Variants in CELF1 observed in about 807,000 individuals in gnomAD.
The protein encoded by CELF1 is CUGBP Elav-like family member 1, also known as 50 kDa nuclear polyadenylated RNA-binding protein.
CELF1 carries 10 observed loss-of-function variants against 61.8 expected under a neutral mutation model. The observed-to-expected ratio is 0.16, with a 90% CI of 0.10 to 0.27. The LOEUF (loss-of-function observed/expected upper bound fraction) is 0.27, where lower values mean the gene tolerates loss of function less well. Among genes scored for constraint, CELF1 ranks in the 10% least tolerant of loss-of-function variants. The pLI is 1.00. For missense variants in CELF1, 380 were observed against 639.1 expected (o/e 0.59, Z 4.37); for synonymous variants, 236 against 225.1 (o/e 1.05, Z -0.43).
At chr11:47,476,596 T>A (rs2080273462) in intron 12 of CELF1, among the ~76,000 whole-genome samples, 2 of 152,112 alleles carry the variant, frequency 1.3e-5, no homozygotes, top group African/African-American at 4.8e-5. Flanking sequence ...CAGCTAATTT[T>A]TTTGTATTTT....
At chr11:47,558,117 A>T (rs1179004094), upstream of CELF1, among the ~76,000 whole-genome samples, 1 of 152,066 alleles carries the variant, frequency 6.6e-6, no homozygotes, top group African/African-American at 2.4e-5. Context: ...TCAGCCTCCG[A>T]AAGTGTTGGG....
At chr11:47,525,531 C>T (rs1292902322) in intron 1 of CELF1, among the ~76,000 whole-genome samples, 4 of 152,196 alleles carry the variant, frequency 2.6e-5, no homozygotes, top group Non-Finnish European at 5.9e-5. Context: ...AGGCGGGTCT[C>T]AAACTCCTAG....
intron 2 of CELF1, among the ~76,000 whole-genome samples, chr11:47,562,751 C>G (rs963058455): frequency 1.3e-5 from 2 of 151,404 alleles, no homozygotes; most frequent in Non-Finnish European, 2.9e-5. Context: ...GTCACCCAGG[C>G]TGAAGTGCAG....
intron 1 of CELF1, among the ~76,000 whole-genome samples, chr11:47,541,509 G>A (rs1289959846): frequency 6.6e-6 from 1 of 151,718 alleles, no homozygotes; most frequent in East Asian, 1.9e-4. Context: ...TGGCCAACAT[G>A]GTGAAACCCC....
intron 3 of CELF1, among the ~76,000 whole-genome samples, chr11:47,490,418 C>T (rs949657629): frequency 2.0e-5 from 3 of 148,534 alleles, no homozygotes; most frequent in Non-Finnish European, 4.4e-5. Flanking sequence ...TCCCAAACAA[C>T]ATGCTAGTTT....
intron 1 of CELF1, among the ~76,000 whole-genome samples, chr11:47,502,940 A>T (rs906363822): frequency 6.6e-6 from 1 of 152,212 alleles, no homozygotes; most frequent in African/African-American, 2.4e-5. Context: ...AGAAGGCCTT[A>T]ACTTTCCCTC....
At chr11:47,530,093 C>A (rs934919329) in intron 1 of CELF1, among the ~76,000 whole-genome samples, 34 of 152,106 alleles carry the variant, frequency 2.2e-4, no homozygotes, top group Admixed American at 2.1e-3. Context: ...CATCGCACTG[C>A]GCATATTGTA....
chr11:47,516,503 G>T (rs577358705), intron 1 of CELF1, among the ~76,000 whole-genome samples: 1 of 152,036 alleles, frequency 6.6e-6, no homozygotes, highest in Non-Finnish European at 1.5e-5. Flanking sequence ...AATCTTCCGG[G>T]TATTGCAGAT....
At chr11:47,509,806 C>T (rs1205605913) in intron 1 of CELF1, among the ~76,000 whole-genome samples, 1 of 151,162 alleles carries the variant, frequency 6.6e-6, no homozygotes, top group African/African-American at 2.4e-5. Flanking sequence ...GTGGGCGGGT[C>T]ACTTGAGGTC....
At chr11:47,488,650 T>C (rs940702438) in intron 4 of CELF1, among the ~76,000 whole-genome samples, 187 bp downstream of exon 4, 1 of 152,172 alleles carries the variant, frequency 6.6e-6, no homozygotes, top group Admixed American at 6.6e-5. Context: ...ATATTACTAC[T>C]ATAAAAGGAC....
At chr11:47,521,118 G>T (rs537389664) in intron 1 of CELF1, among the ~76,000 whole-genome samples, 1 of 152,074 alleles carries the variant, frequency 6.6e-6, no homozygotes, top group South Asian at 2.1e-4. Context: ...CGGGCATAGT[G>T]GCGGGCGCCT....
intron 1 of CELF1, among the ~76,000 whole-genome samples, chr11:47,509,864 TAAAAACACA>T (rs1191401516): frequency 1.7e-5 from 2 of 116,020 alleles, no homozygotes; most frequent in African/African-American, 6.6e-5. Context: ...CTATCTCTAC[TAAAAACACA>T]AAAATTAGCT....
intron 2 of CELF1, among the ~76,000 whole-genome samples, chr11:47,561,374 C>T (rs1251804440): frequency 1.6e-5 from 2 of 128,610 alleles, no homozygotes; most frequent in Non-Finnish European, 3.1e-5. Flanking sequence ...ACCCAGGAGG[C>T]GGAGCTTGCA....
chr11:47,527,580 C>T (rs2153679309), intron 1 of CELF1, among the ~76,000 whole-genome samples: 1 of 152,168 alleles, frequency 6.6e-6, no homozygotes, highest in East Asian at 1.9e-4. Context: ...AAAATTAAGC[C>T]TCTTCATTGT....
intron 1 of CELF1, among the ~76,000 whole-genome samples, chr11:47,512,140 C>T (rs2095243289): frequency 6.6e-6 from 1 of 151,848 alleles, no homozygotes; most frequent in Admixed American, 6.6e-5. Flanking sequence ...GAGTGAGCCA[C>T]TGTGCCCGGT....
At chr11:47,541,733 AGAAAGAACG>A (rs2096793812) in intron 1 of CELF1, among the ~76,000 whole-genome samples, 2 of 8,528 alleles carry the variant, frequency 2.3e-4, no homozygotes, top group African/African-American at 5.8e-4. Flanking sequence ...AAAGAACGAA[AGAAAGAACG>A]AAAGAAAGAA....
chr11:47,552,320 CACG>C (rs2097158905), intron 1 of CELF1, among the ~76,000 whole-genome samples: 1 of 152,200 alleles, frequency 6.6e-6, no homozygotes, highest in African/African-American at 2.4e-5. Context: ...GGACCACAAC[CACG>C]ACACCACTGG....
At chr11:47,546,625 G>T (rs533144852) in intron 1 of CELF1, among the ~76,000 whole-genome samples, 3 of 152,238 alleles carry the variant, frequency 2.0e-5, no homozygotes, top group African/African-American at 7.2e-5. Context: ...ATTAATGACA[G>T]ATTTACAAAT....
intron 1 of CELF1, among the ~76,000 whole-genome samples, chr11:47,551,985 C>G (rs556624239): frequency 2.7e-5 from 4 of 149,998 alleles, no homozygotes; most frequent in Non-Finnish European, 5.9e-5. Context: ...TGCACTCCAG[C>G]CTAAGCAACA....
Sources: allele counts gnomAD v4.1 joint callset (sites outside exome capture counted in the v4.1 genomes callset), GRCh38; gene constraint gnomAD v4.1.1; transcripts MANE v1.5; gene names NCBI Gene and HGNC (gene_info 2026-07-23, HGNC 2026-07-21).